Variants in ZMAT5 observed in about 807,000 individuals in gnomAD.
ZMAT5 encodes the protein zinc finger matrin-type protein 5.
In ZMAT5, 23 loss-of-function variants were observed where a neutral mutation model predicts 28.0. That is an observed-to-expected ratio of 0.82 (90% confidence interval 0.59 to 1.16). The LOEUF is 1.16. Ranked by LOEUF, ZMAT5 falls within the 50% of genes most tolerant of loss-of-function variation. The pLI is 0.00. For missense variants in ZMAT5, 173 were observed against 212.7 expected (o/e 0.81, Z 1.16); for synonymous variants, 76 against 84.1 (o/e 0.90, Z 0.52).
At chr22:29,742,559 T>C (rs140120) in intron 2 of ZMAT5, 79 bp from the exon 3 acceptor site, 636,996 of 1,340,740 alleles carry the variant, frequency 0.48, 156,786 homozygotes, top group East Asian at 0.65. Flanking sequence ...CACAGGGGCA[T>C]ATGGACCCTT....
At chr22:29,754,561 G>T (rs2068082232) in intron 1 of ZMAT5, among the ~76,000 whole-genome samples, 1 of 152,190 alleles carries the variant, frequency 6.6e-6, no homozygotes, top group South Asian at 2.1e-4. Context: ...GAGGTTTACC[G>T]AGGCAGTAGT....
At chr22:29,755,258 A>G (rs2068088305) in intron 1 of ZMAT5, among the ~76,000 whole-genome samples, 1 of 148,756 alleles carries the variant, frequency 6.7e-6, no homozygotes, top group Admixed American at 6.7e-5. Flanking sequence ...TTGTGCCACT[A>G]TGCTCCAGGC....
intron 1 of ZMAT5, among the ~76,000 whole-genome samples, chr22:29,759,079 C>T (rs2068130901): frequency 6.6e-6 from 1 of 152,184 alleles, no homozygotes. Context: ...CTAGCACACC[C>T]CAAGGCCTGG....
At chr22:29,759,461 T>G (rs1013155554) in intron 1 of ZMAT5, among the ~76,000 whole-genome samples, 2 of 152,150 alleles carry the variant, frequency 1.3e-5, no homozygotes, top group African/African-American at 4.8e-5. Flanking sequence ...GGCTTCCAAG[T>G]GAGAAACTTA....
intron 1 of ZMAT5, 111 bp from the exon 2 acceptor site, chr22:29,748,682 A>G: frequency 7.4e-7 from 1 of 1,356,514 alleles, no homozygotes; most frequent in Non-Finnish European, 1.0e-6. Context: ...ACTCATATGC[A>G]CCCCGCCCCA....
intron 1 of ZMAT5, among the ~76,000 whole-genome samples, chr22:29,752,684 T>A (rs2068065189): frequency 6.6e-6 from 1 of 152,178 alleles, no homozygotes; most frequent in Non-Finnish European, 1.5e-5. Flanking sequence ...TATCCAGTGA[T>A]CAGATGAGAA....
chr22:29,757,370 T>C (rs1462446902), intron 1 of ZMAT5, among the ~76,000 whole-genome samples: 1 of 152,198 alleles, frequency 6.6e-6, no homozygotes, highest in African/African-American at 2.4e-5. Flanking sequence ...TAAACACAAC[T>C]ACTCTAATCA....
chr22:29,748,715 T>A, intron 1 of ZMAT5, 144 bp from the exon 2 acceptor site: 1 of 1,132,694 alleles, frequency 8.8e-7, no homozygotes, highest in Non-Finnish European at 1.2e-6. Flanking sequence ...AGCTGATGAG[T>A]ATGGCCTAAG....
chr22:29,733,999 C>A (rs2067879704), intron 5 of ZMAT5, among the ~76,000 whole-genome samples: 1 of 152,178 alleles, frequency 6.6e-6, no homozygotes, highest in South Asian at 2.1e-4. Flanking sequence ...ACAGGAGCCA[C>A]TCTCTTGCAT....
At chr22:29,748,219 G>T in intron 2 of ZMAT5, 199 bp downstream of exon 2, 1 of 700,806 alleles carries the variant, frequency 1.4e-6, no homozygotes, top group Non-Finnish European at 2.4e-6. Flanking sequence ...CCTGTCCACA[G>T]AGCCTTCAGT....
intron 1 of ZMAT5, among the ~76,000 whole-genome samples, chr22:29,750,873 T>C (rs1374066669): frequency 6.6e-6 from 1 of 152,142 alleles, no homozygotes; most frequent in Non-Finnish European, 1.5e-5. Context: ...AAGCCATTCT[T>C]GCAGCAGACA....
At chr22:29,742,290 G>C (rs1251020971) in intron 3 of ZMAT5, 128 bp downstream of exon 3, 2 of 857,972 alleles carry the variant, frequency 2.3e-6, no homozygotes, top group Non-Finnish European at 1.9e-6. Flanking sequence ...CAGTCAGCTG[G>C]AGCCACTGCT....
At chr22:29,760,912 G>A (rs536747620) in intron 1 of ZMAT5, among the ~76,000 whole-genome samples, 133 of 152,214 alleles carry the variant, frequency 8.7e-4, no homozygotes, top group African/African-American at 3.1e-3. Context: ...AAGCATAAGA[G>A]CAAATCAAAT....
chr22:29,742,655 G>A (rs1275013420), intron 2 of ZMAT5, among the ~76,000 whole-genome samples, 175 bp from the exon 3 acceptor site: 1 of 152,228 alleles, frequency 6.6e-6, no homozygotes, highest in Non-Finnish European at 1.5e-5. Context: ...GGAGTCCTGG[G>A]CAGATGGATC....
intron 2 of ZMAT5, among the ~76,000 whole-genome samples, chr22:29,744,837 A>T (rs2067995301): frequency 6.6e-6 from 1 of 152,110 alleles, no homozygotes; most frequent in Non-Finnish European, 1.5e-5. Context: ...CTCCTCGGTG[A>T]CTCTGAAGTG....
intron 2 of ZMAT5, among the ~76,000 whole-genome samples, chr22:29,744,271 C>T (rs2067988791): frequency 6.6e-6 from 1 of 151,282 alleles, no homozygotes; most frequent in Non-Finnish European, 1.5e-5. Flanking sequence ...ATTTTTTCCT[C>T]ACAAACCCTC....
chr22:29,765,156 C>A (rs1055386615), intron 1 of ZMAT5, among the ~76,000 whole-genome samples: 2 of 152,180 alleles, frequency 1.3e-5, no homozygotes, highest in Non-Finnish European at 2.9e-5. Context: ...CGGTGGCTCA[C>A]ACCTGTAATC....
At chr22:29,734,021 C>T (rs919957380) in intron 5 of ZMAT5, among the ~76,000 whole-genome samples, 2 of 152,196 alleles carry the variant, frequency 1.3e-5, no homozygotes, top group Non-Finnish European at 2.9e-5. Flanking sequence ...TTCCCAGCCG[C>T]GGTCCTAATC....
intron 2 of ZMAT5, among the ~76,000 whole-genome samples, chr22:29,742,735 GCC>G (rs2067974676): frequency 6.6e-6 from 1 of 152,232 alleles, no homozygotes; most frequent in African/African-American, 2.4e-5. Context: ...CAAGTTTCAT[GCC>G]AGCAGTTCTC....
Sources: allele counts gnomAD v4.1 joint callset (sites outside exome capture counted in the v4.1 genomes callset), GRCh38; gene constraint gnomAD v4.1.1; transcripts MANE v1.5; gene names NCBI Gene and HGNC (gene_info 2026-07-23, HGNC 2026-07-21).